The following TBC1D1 variants were observed in gnomAD, a reference collection of about 807,000 sequenced individuals.
TBC1D1 encodes TBC1 (tre-2/USP6, BUB2, cdc16) domain family, member 1.
In TBC1D1, 89 loss-of-function variants were observed where a neutral mutation model predicts 125.6. The observed-to-expected ratio is 0.71, with a 90% CI of 0.60 to 0.85. The LOEUF is 0.85. Ranked by LOEUF, TBC1D1 falls within the 40% of genes least tolerant of loss-of-function variation. The pLI, the probability that TBC1D1 is intolerant of heterozygous loss-of-function variation, is 0.00. For missense variants in TBC1D1, 1,377 were observed against 1,469.2 expected, an observed-to-expected ratio of 0.94 and a Z score of 1.03; for synonymous variants, 565 against 564.1, an observed-to-expected ratio of 1.00 and a Z score of -0.02.
chr4:37,923,939 G>C (rs921483426), intron 2 of TBC1D1, among the ~76,000 whole-genome samples: 2 of 152,004 alleles, frequency 1.3e-5, no homozygotes, highest in Non-Finnish European at 2.9e-5. Flanking sequence ...CTAGGCCTCC[G>C]AAAGTGCTGG....
At chr4:38,025,153 T>C (rs1744819413) in intron 6 of TBC1D1, among the ~76,000 whole-genome samples, 1 of 152,230 alleles carries the variant, frequency 6.6e-6, no homozygotes, top group Non-Finnish European at 1.5e-5. Context: ...CAGTCATTCA[T>C]CACCGCTCTC....
intron 2 of TBC1D1, among the ~76,000 whole-genome samples, chr4:37,920,834 G>A (rs1720788901): frequency 6.6e-6 from 1 of 152,142 alleles, no homozygotes; most frequent in South Asian, 2.1e-4. Context: ...AAAGGGGCCG[G>A]GCGCGGTGGC....
At chr4:37,945,512 CAAAAAAAAAAAAAAAAAAAAAAAA>C (rs59557310) in intron 2 of TBC1D1, among the ~76,000 whole-genome samples, 37 of 20,694 alleles carry the variant, frequency 1.8e-3, no homozygotes, top group African/African-American at 5.3e-3. Flanking sequence ...GACTCCACCT[CAAAAAAAAAAAAAAAAAAAAAAAA>C]AAAAAAAAAA....
In TBC1D1 at chr4:37,902,477, A is replaced by G. The variant is rs2152227549; in HGVS notation, c.382A>G (p.Ile128Val). The G allele has an allele frequency of 6.2e-7, 1 of 1,613,010 alleles. No individual in the cohort carries two copies. Among genetic ancestry groups the G allele is most frequent in the Non-Finnish European group, 8.5e-7 (1 of 1,179,338 alleles). The change falls in exon 2 of 20, where the codon ATC becomes GTC. Residue 128 changes from isoleucine (I) to valine (V), a missense_variant. Ile to Val is a conservative substitution (Grantham distance 29). This residue lies in a region of TBC1D1 where 822 missense variants were observed against 824.6 expected (regional missense o/e 1.00). Coordinates refer to ENST00000261439, the MANE Select transcript of TBC1D1 (RefSeq NM_015173.4). ...GGAAGACGCTGTCCACCGGCAGAGT[A>G]TCTGCTATGTGTTCAAAGCCGATGA...
At chr4:37,919,110 G>T in intron 2 of TBC1D1, among the ~76,000 whole-genome samples, 1 of 149,656 alleles carries the variant, frequency 6.7e-6, no homozygotes, top group Admixed American at 6.7e-5. Context: ...AACTGGAAAT[G>T]TACAGTTTGA....
intron 2 of TBC1D1, chr4:37,952,141 C>T (rs1728010706): frequency 1.4e-6 from 1 of 712,968 alleles, no homozygotes. Context: ...TCATGATGAA[C>T]CCAGCAGCTT....
intron 18 of TBC1D1, among the ~76,000 whole-genome samples, chr4:38,130,557 C>T (rs1295259621): frequency 6.6e-6 from 1 of 152,160 alleles, no homozygotes; most frequent in Non-Finnish European, 1.5e-5. Context: ...CCAGTAATTA[C>T]AACTCTAGTG....
intron 15 of TBC1D1, among the ~76,000 whole-genome samples, chr4:38,103,546 A>G (rs1283885242): frequency 6.6e-6 from 1 of 152,214 alleles, no homozygotes. Flanking sequence ...CCTCATTTTT[A>G]CTGCTCACAA....
intron 12 of TBC1D1, among the ~76,000 whole-genome samples, chr4:38,068,910 G>A (rs1050708201): frequency 1.3e-5 from 2 of 152,134 alleles, no homozygotes; most frequent in African/African-American, 4.8e-5. Flanking sequence ...CCACAAATGT[G>A]GCACCATCAG....
chr4:38,006,766 A>T, intron 2 of TBC1D1: 1 of 460,552 alleles, frequency 2.2e-6, no homozygotes, highest in South Asian at 1.6e-5. Flanking sequence ...GGCGTGAGCC[A>T]CTGCGCCTGG....
intron 1 of TBC1D1, among the ~76,000 whole-genome samples, chr4:37,893,322 G>A (rs187462238): frequency 6.6e-6 from 1 of 152,298 alleles, no homozygotes; most frequent in East Asian, 1.9e-4. Context: ...GATTCCCAGA[G>A]GACTGAAAAT....
intron 19 of TBC1D1, among the ~76,000 whole-genome samples, chr4:38,133,629 G>T (rs566563208): frequency 6.6e-5 from 10 of 152,180 alleles, no homozygotes; most frequent in Non-Finnish European, 1.5e-4. Flanking sequence ...AAACCAGCTA[G>T]GTCCACAGAG....
intron 2 of TBC1D1, among the ~76,000 whole-genome samples, chr4:37,951,821 G>A (rs186504305): frequency 2.9e-4 from 44 of 152,222 alleles, no homozygotes; most frequent in Non-Finnish European, 5.0e-4. Context: ...TCTGTAGAGG[G>A]GTCACAGCCT....
chr4:38,126,470 T>G (rs774185620), intron 18 of TBC1D1, among the ~76,000 whole-genome samples: 2 of 152,266 alleles, frequency 1.3e-5, no homozygotes, highest in Non-Finnish European at 2.9e-5. Context: ...AGCCACACCT[T>G]AGGTGTTAAG....
intron 17 of TBC1D1, chr4:38,120,140 G>T (rs1763615514): frequency 1.7e-5 from 17 of 982,608 alleles, no homozygotes; most frequent in Non-Finnish European, 1.8e-5. Flanking sequence ...TTTGTAGGCA[G>T]TGGTGAGACT....
At chr4:38,101,372 C>A (rs1414603006) in intron 14 of TBC1D1, among the ~76,000 whole-genome samples, 1 of 152,202 alleles carries the variant, frequency 6.6e-6, no homozygotes, top group Non-Finnish European at 1.5e-5. Context: ...TTGCTCTCCC[C>A]CTTTCCACCT....
rs1428544673 is a variant in TBC1D1, at chr4:38,137,232, A to G, written c.3404A>G (p.Glu1135Gly). The stretch of plus-strand genomic sequence containing the variant: ...CAGGCCATGCTTACCTTAGAACTGG[A>G]GCGGTCGGCCCTGCTGCAGACGGTG... The change falls in exon 20 of 20, where the codon GAG (glutamate) becomes GGG (glycine). Residue 1135 changes from glutamate to glycine, a missense_variant. By Grantham distance (98) the Glu-to-Gly change is moderately conservative. This residue lies in a region of TBC1D1 where 543 missense variants were observed against 613.5 expected (regional missense o/e 0.89). Transcript: ENST00000261439. The G allele has an allele frequency of 6.2e-7, 1 of 1,612,476 alleles. No homozygotes were observed. Among genetic ancestry groups the G allele is most frequent in the Admixed American group, 1.7e-5 (1 of 60,026 alleles).
At chr4:38,062,709 C>T (rs533338148) in intron 12 of TBC1D1, among the ~76,000 whole-genome samples, 3 of 149,518 alleles carry the variant, frequency 2.0e-5, no homozygotes, top group South Asian at 2.2e-4. Flanking sequence ...GATTTTACCT[C>T]GACTTGCTAT....
At chr4:37,921,265 A>G (rs1042978029) in intron 2 of TBC1D1, among the ~76,000 whole-genome samples, 1 of 151,846 alleles carries the variant, frequency 6.6e-6, no homozygotes, top group African/African-American at 2.4e-5. Context: ...AATAGGGCAT[A>G]GACGCCAGAT....
Sources: gnomAD v4.1 joint callset for allele counts (sites outside exome capture counted in the v4.1 genomes callset) on GRCh38, gnomAD v4.1.1 for gene constraint, gnomAD v4.1.1 regional missense constraint, MANE v1.5 for transcripts, NCBI Gene and HGNC (gene_info 2026-07-23, HGNC 2026-07-21) for gene names.